Variants in CTNND2 observed in about 807,000 individuals in gnomAD.
CTNND2 encodes the protein catenin delta 2.
In CTNND2, 22 loss-of-function variants were observed where a neutral mutation model predicts 144.4. The ratio of observed to expected loss-of-function variants is 0.15; its 90% CI spans 0.11 to 0.22. The LOEUF (loss-of-function observed/expected upper bound fraction) is 0.22. Ranked by LOEUF, CTNND2 falls within the 10% of genes least tolerant of loss-of-function variation. The probability of loss-of-function intolerance (pLI) is 1.00; values close to 1 mark genes in which losing one functional copy is unlikely to be tolerated. For missense variants in CTNND2, 1,353 were observed against 1,618.8 expected (o/e 0.84, Z 2.82); for synonymous variants, 751 against 695.6 (o/e 1.08, Z -1.25).
chr5:11,073,162 T>C (rs767867290), intron 16 of CTNND2, among the ~76,000 whole-genome samples: 1 of 152,270 alleles, frequency 6.6e-6, no homozygotes, highest in Non-Finnish European at 1.5e-5. Flanking sequence ...TAATAATTTC[T>C]TTCCACCTGA....
rs187178414 is a variant in CTNND2, at chr5:11,722,904, C to T, written c.174+9232G>A. Among the ~76,000 whole-genome samples the T allele has an allele frequency of 3.9e-5, 6 of 152,198 alleles. No homozygotes were observed. The East Asian group carries it at 1.2e-3, about 29-fold the overall frequency. On this transcript the variant is annotated intron_variant, in intron 2 of 21. Transcript: ENST00000304623. ...TAAACATAAAAATAAATAGTAAACA[C>T]AAAAAATTACTTCAAAATCTGTAAT...
intron 9 of CTNND2, among the ~76,000 whole-genome samples, chr5:11,311,130 A>G (rs1254584181): frequency 7.3e-6 from 1 of 137,184 alleles, no homozygotes; most frequent in Non-Finnish European, 1.6e-5. Context: ...CCTCACATGC[A>G]CATACACTGT....
chr5:11,721,723 C>T (rs1173289706), intron 2 of CTNND2, among the ~76,000 whole-genome samples: 1 of 152,254 alleles, frequency 6.6e-6, no homozygotes, highest in Non-Finnish European at 1.5e-5. Flanking sequence ...TGCCTGTCCA[C>T]ATGGCCTCTT....
chr5:11,131,720 C>T (rs1250024071), intron 12 of CTNND2, among the ~76,000 whole-genome samples: 3 of 152,052 alleles, frequency 2.0e-5, no homozygotes, highest in East Asian at 1.9e-4. Flanking sequence ...ACCCGGGAGG[C>T]GGAGCTTGCA....
At chr5:11,074,401 A>G (rs1337510734) in intron 16 of CTNND2, among the ~76,000 whole-genome samples, 1 of 152,214 alleles carries the variant, frequency 6.6e-6, no homozygotes, top group African/African-American at 2.4e-5. Flanking sequence ...GTGCGTTTCA[A>G]TCCTAGACTG....
At chr5:11,380,028 A>T (rs2149792601) in intron 7 of CTNND2, among the ~76,000 whole-genome samples, 1 of 152,234 alleles carries the variant, frequency 6.6e-6, no homozygotes, top group African/African-American at 2.4e-5. Context: ...GCTTCTTTCT[A>T]GTTGCTCCTT....
chr5:10,987,002 G>A (rs10434651), intron 20 of CTNND2, among the ~76,000 whole-genome samples: 35,090 of 152,142 alleles, frequency 0.23, 4,174 homozygotes, highest in African/African-American at 0.24. Flanking sequence ...GTGTCTGCAC[G>A]GCGCCCTTTG....
chr5:11,726,478 T>TA (rs995091238), intron 2 of CTNND2, among the ~76,000 whole-genome samples: 33 of 152,046 alleles, frequency 2.2e-4, no homozygotes, highest in Admixed American at 8.5e-4. Flanking sequence ...ATTTTCAAAA[T>TA]AAAAAAAACC....
At chr5:11,498,493 A>G (rs1402864018) in intron 3 of CTNND2, among the ~76,000 whole-genome samples, 4 of 152,168 alleles carry the variant, frequency 2.6e-5, no homozygotes, top group Non-Finnish European at 5.9e-5. Context: ...AATTATTCAG[A>G]ATATTTTCAA....
At chr5:11,564,802 T>A in intron 3 of CTNND2, 142 bp downstream of exon 3, 1 of 600,310 alleles carries the variant, frequency 1.7e-6, no homozygotes, top group South Asian at 2.3e-5. Context: ...TTTGAACATC[T>A]TAAATCAGGT....
In CTNND2 at chr5:11,199,554, C is replaced by T. The variant is rs778225661; in HGVS notation, c.1869G>A (p.Lys623=). Reference sequence around the variant, plus strand: ...GGGCAATTTTGTTATCATCGTTGGCCTTCCCATACACCAGGTTTCTCAGAG... The same window carrying T: ...GGGCAATTTTGTTATCATCGTTGGCTTTCCCATACACCAGGTTTCTCAGAG... ...CGALRNLVYG[K]ANDDNKIALK... The change falls in exon 11 of 22, where the codon AAG becomes AAA. Residue 623 remains lysine, a synonymous_variant. Coordinates refer to ENST00000304623, the MANE Select transcript of CTNND2 (RefSeq NM_001332.4). 6.2e-7 allele frequency: 1 copy of T among 1,614,176 alleles called. No individual in the cohort carries two copies. Among genetic ancestry groups the T allele is most frequent in the Non-Finnish European group, 8.5e-7 (1 of 1,180,024 alleles).
intron 9 of CTNND2, among the ~76,000 whole-genome samples, chr5:11,264,405 A>G (rs1451221042): frequency 6.6e-6 from 1 of 152,208 alleles, no homozygotes; most frequent in Non-Finnish European, 1.5e-5. Context: ...AATTTGGCCC[A>G]TGGGATACAG....
At chr5:11,002,431 A>G (rs542361178) in intron 18 of CTNND2, among the ~76,000 whole-genome samples, 8 of 152,352 alleles carry the variant, frequency 5.3e-5, no homozygotes, top group African/African-American at 1.7e-4. Flanking sequence ...CACAGAAAGG[A>G]TGGAGAAGGA....
intron 9 of CTNND2, among the ~76,000 whole-genome samples, chr5:11,273,745 T>C (rs1483335254): frequency 6.6e-6 from 1 of 152,134 alleles, no homozygotes; most frequent in African/African-American, 2.4e-5. Context: ...CAACCTCATG[T>C]TTATTGCACT....
intron 18 of CTNND2, among the ~76,000 whole-genome samples, chr5:10,995,120 T>G (rs1739197037): frequency 6.6e-6 from 1 of 152,136 alleles, no homozygotes; most frequent in Non-Finnish European, 1.5e-5. Flanking sequence ...ATCTCAGGGC[T>G]GGAGGCAGAA....
chr5:11,021,745 A>C (rs1742278010), intron 17 of CTNND2, among the ~76,000 whole-genome samples: 1 of 151,016 alleles, frequency 6.6e-6, no homozygotes, highest in African/African-American at 2.4e-5. Flanking sequence ...ATTTCCAGAA[A>C]GTTTCAAAGT....
intron 2 of CTNND2, among the ~76,000 whole-genome samples, chr5:11,704,477 C>T (rs1785602203): frequency 6.6e-6 from 1 of 152,136 alleles, no homozygotes; most frequent in Admixed American, 6.5e-5. Context: ...GTGTTGAAAG[C>T]ACCTCAGTCA....
In CTNND2 at chr5:11,410,903, C is replaced by A. The variant is rs150945544; in HGVS notation, c.439+633G>T. Reference sequence around the variant, plus strand: ...TTTTTTTTTTTTAAGACGGAGTCTCCTTCTGTTGCCCAGGATGGAGTACAG... The same window carrying A: ...TTTTTTTTTTTTAAGACGGAGTCTCATTCTGTTGCCCAGGATGGAGTACAG... On this transcript the variant is annotated intron_variant, in intron 5 of 21. Coordinates refer to ENST00000304623, the MANE Select transcript of CTNND2 (RefSeq NM_001332.4). Among the ~76,000 whole-genome samples, 1,283 of 150,548 alleles carry A rather than the reference C, an allele frequency of 8.5e-3. 16 individuals are homozygous for A. Among genetic ancestry groups the A allele is most frequent in the African/African-American group, 0.03 (1,233 of 40,940 alleles).
intron 16 of CTNND2, among the ~76,000 whole-genome samples, chr5:11,039,179 C>T (rs1045760513): frequency 2.0e-5 from 3 of 152,214 alleles, no homozygotes; most frequent in African/African-American, 7.2e-5. Context: ...CAGTTGCAGA[C>T]TCCCCAATCA....
Sources: gnomAD v4.1 joint callset for allele counts (sites outside exome capture counted in the v4.1 genomes callset) on GRCh38, gnomAD v4.1.1 for gene constraint, MANE v1.5 for transcripts, NCBI Gene and HGNC (gene_info 2026-07-23, HGNC 2026-07-21) for gene names.